The following SLC25A13 variants were observed in gnomAD, a reference collection of about 807,000 sequenced individuals.
SLC25A13 encodes the protein electrogenic aspartate/glutamate antiporter SLC25A13, mitochondrial.
SLC25A13 carries 70 observed loss-of-function variants against 85.5 expected under a neutral mutation model. The ratio of observed to expected loss-of-function variants is 0.82; its 90% CI spans 0.68 to 1.00. The LOEUF (loss-of-function observed/expected upper bound fraction) is 1.00, where lower values mean the gene tolerates loss of function less well. Ranked by LOEUF, SLC25A13 falls within the 50% of genes least tolerant of loss-of-function variation. The pLI is 0.00. For synonymous variants in SLC25A13, 259 were observed against 288.7 expected (o/e 0.90, Z 1.04); for missense variants, 765 against 819.8 (o/e 0.93, Z 0.82).
At chr7:96,130,684 T>C (rs1584347781) in intron 15 of SLC25A13, among the ~76,000 whole-genome samples, 3 of 152,168 alleles carry the variant, frequency 2.0e-5, no homozygotes, top group African/African-American at 7.2e-5. Context: ...GGAATTAAAA[T>C]TGGGAATTTT....
At chr7:96,128,794 A>AATG (rs1791851799) in intron 15 of SLC25A13, among the ~76,000 whole-genome samples, 1 of 145,182 alleles carries the variant, frequency 6.9e-6, no homozygotes, top group East Asian at 2.2e-4. Flanking sequence ...TAATAATAAT[A>AATG]ATAAAAGTCA....
At chr7:96,268,432 G>C (rs1431963596) in intron 3 of SLC25A13, among the ~76,000 whole-genome samples, 1 of 152,160 alleles carries the variant, frequency 6.6e-6, no homozygotes, top group African/African-American at 2.4e-5. Flanking sequence ...TCTAGGCCCT[G>C]AGAAGTCCTT....
chr7:96,183,703 T>C (rs938056258), intron 11 of SLC25A13, among the ~76,000 whole-genome samples: 1 of 151,998 alleles, frequency 6.6e-6, no homozygotes, highest in Non-Finnish European at 1.5e-5. Context: ...GAACCTTAGA[T>C]GGTTAAAGGA....
chr7:96,317,770 C>T (rs1474454950), intron 1 of SLC25A13, among the ~76,000 whole-genome samples: 19 of 149,552 alleles, frequency 1.3e-4, no homozygotes, highest in Admixed American at 4.7e-4. Flanking sequence ...TTATTTTATT[C>T]TATTTTATTT....
intron 13 of SLC25A13, among the ~76,000 whole-genome samples, chr7:96,152,025 T>C (rs1158324395): frequency 6.6e-6 from 1 of 152,228 alleles, no homozygotes; most frequent in South Asian, 2.1e-4. Context: ...CTATTTAACA[T>C]GCTTGGAGTC....
chr7:96,303,442 G>A (rs554425494), intron 1 of SLC25A13, among the ~76,000 whole-genome samples: 18 of 152,174 alleles, frequency 1.2e-4, no homozygotes, highest in Non-Finnish European at 1.8e-4. Flanking sequence ...TTGAACCTGA[G>A]GAAATAGTGC....
chr7:96,292,173 A>G lies in SLC25A13; in HGVS notation c.69+4725T>C, dbSNP rs1485119473. Among the ~76,000 whole-genome samples, 4 of 152,332 alleles carry G rather than the reference A, an allele frequency of 2.6e-5. No individual in the cohort carries two copies. The East Asian group carries it at 7.7e-4, about 29-fold the overall frequency. ...CCAGCATATAAACAGAACCAAAGACAAAAACCACATTATTATCTCAATAGA... is the reference window on the plus strand; with the variant it reads ...CCAGCATATAAACAGAACCAAAGACGAAAACCACATTATTATCTCAATAGA... On this transcript the variant is annotated intron_variant, in intron 2 of 17. Coordinates refer to ENST00000265631, the MANE Select transcript of SLC25A13 (RefSeq NM_014251.3).
Position 96,132,156 on chromosome 7 carries a change from G to C in SLC25A13, c.1453-275C>G, listed in dbSNP as rs539590207. ...CTAAGACTTCAATTAAAACCTTTTT[G>C]GAACTCTGCCTGTGACATCCTTTTA... On this transcript the variant is annotated intron_variant, in intron 14 of 17. Coordinates refer to ENST00000265631, the MANE Select transcript of SLC25A13 (RefSeq NM_014251.3). Among the ~76,000 whole-genome samples the C allele has an allele frequency of 1.1e-4, 16 of 152,284 alleles. No homozygotes were observed. In the South Asian group the frequency reaches 3.3e-3, roughly 32 times the overall value.
At chr7:96,225,400 G>C (rs1796294894) in intron 4 of SLC25A13, among the ~76,000 whole-genome samples, 1 of 152,100 alleles carries the variant, frequency 6.6e-6, no homozygotes, top group African/African-American at 2.4e-5. Context: ...AATAAAGTTA[G>C]CTGGACATGG....
chr7:96,180,011 A>G (rs971393694), intron 11 of SLC25A13, among the ~76,000 whole-genome samples: 1 of 152,218 alleles, frequency 6.6e-6, no homozygotes, highest in African/African-American at 2.4e-5. Context: ...TCTGCAATAT[A>G]AAAGTATCAA....
chr7:96,304,802 C>T (rs944538374), intron 1 of SLC25A13, among the ~76,000 whole-genome samples: 2 of 152,112 alleles, frequency 1.3e-5, no homozygotes, highest in South Asian at 2.1e-4. Context: ...CGCCAGGCAC[C>T]GAGGAGAAAA....
intron 3 of SLC25A13, among the ~76,000 whole-genome samples, chr7:96,266,327 T>C (rs996677903): frequency 2.0e-5 from 3 of 152,176 alleles, no homozygotes; most frequent in Admixed American, 6.5e-5. Flanking sequence ...TAGACAATGC[T>C]CCAGAATGTC....
At chr7:96,255,867 A>G (rs1285077855) in intron 3 of SLC25A13, among the ~76,000 whole-genome samples, 6 of 152,224 alleles carry the variant, frequency 3.9e-5, no homozygotes, top group Non-Finnish European at 1.5e-5. Flanking sequence ...TCAGACTAAC[A>G]GTGAATCTCT....
chr7:96,194,224 C>T (rs1794965796), intron 5 of SLC25A13, among the ~76,000 whole-genome samples: 1 of 150,110 alleles, frequency 6.7e-6, no homozygotes. Context: ...CCCTTGAGCC[C>T]AGTAGTTCCA....
chr7:96,303,781 C>G (rs531119336), intron 1 of SLC25A13, among the ~76,000 whole-genome samples: 1 of 152,016 alleles, frequency 6.6e-6, no homozygotes, highest in South Asian at 2.1e-4. Flanking sequence ...CTCCACTTGG[C>G]AGGCAGCATT....
At chr7:96,240,595 G>A (rs996811816) in intron 3 of SLC25A13, among the ~76,000 whole-genome samples, 6 of 151,804 alleles carry the variant, frequency 4.0e-5, no homozygotes, top group East Asian at 1.9e-4. Flanking sequence ...ATACAGTGCC[G>A]GGGTTGGGTG....
intron 13 of SLC25A13, among the ~76,000 whole-genome samples, chr7:96,163,393 T>C (rs1793594371): frequency 6.6e-6 from 1 of 152,204 alleles, no homozygotes; most frequent in Non-Finnish European, 1.5e-5. Context: ...TCTATCCCGG[T>C]TGACCCTTCA....
At chr7:96,194,399 T>C (rs1316557454) in intron 5 of SLC25A13, among the ~76,000 whole-genome samples, 2 of 116,208 alleles carry the variant, frequency 1.7e-5, no homozygotes, top group African/African-American at 6.5e-5. Flanking sequence ...GCTGAGATCA[T>C]GCCGCCACAC....
intron 3 of SLC25A13, among the ~76,000 whole-genome samples, chr7:96,240,567 G>A (rs1297310481): frequency 1.3e-5 from 2 of 151,948 alleles, no homozygotes; most frequent in Admixed American, 1.3e-4. Flanking sequence ...ATTTGCTGGA[G>A]GAAAACTAGA....
Sources: allele counts gnomAD v4.1 joint callset (sites outside exome capture counted in the v4.1 genomes callset), GRCh38; gene constraint gnomAD v4.1.1; transcripts MANE v1.5; gene names NCBI Gene and HGNC (gene_info 2026-07-23, HGNC 2026-07-21).